COX7B2: variants seen among roughly 807,000 people sequenced by gnomAD.
COX7B2 encodes the protein cytochrome c oxidase subunit 7B2, mitochondrial.
For missense variants in COX7B2, 109 were observed against 95.9 expected, an observed-to-expected ratio of 1.14 and a Z score of -0.57; for synonymous variants, 37 against 32.1, an observed-to-expected ratio of 1.15 and a Z score of -0.51.
intron 1 of COX7B2, chr4:46,904,055 G>A (rs574438805): frequency 6.6e-6 from 1 of 152,234 alleles, no homozygotes; most frequent in East Asian, 1.9e-4. Flanking sequence ...ATATTTTTAT[G>A]ACCTTTGATA....
At chr4:46,736,343 T>A (rs906310077) in intron 2 of COX7B2, among the ~76,000 whole-genome samples, 2 of 152,222 alleles carry the variant, frequency 1.3e-5, no homozygotes, top group African/African-American at 4.8e-5. Flanking sequence ...CAGGGCTTTA[T>A]ATAGCAGGCA....
At chr4:46,795,003 A>AG (rs1451430847) in intron 2 of COX7B2, among the ~76,000 whole-genome samples, 4,721 of 149,436 alleles carry the variant, frequency 0.032, 288 homozygotes, top group African/African-American at 0.1. Context: ...TCTTCTTTTG[A>AG]GAAGTGTCTG....
At chr4:46,811,297 C>G (rs1719272375) in intron 2 of COX7B2, among the ~76,000 whole-genome samples, 1 of 151,312 alleles carries the variant, frequency 6.6e-6, no homozygotes, top group Non-Finnish European at 1.5e-5. Flanking sequence ...AATATTTATT[C>G]ACTTAATGGT....
At chr4:46,889,026 C>A (rs1157739813) in intron 1 of COX7B2, among the ~76,000 whole-genome samples, 1 of 152,046 alleles carries the variant, frequency 6.6e-6, no homozygotes, top group Non-Finnish European at 1.5e-5. Context: ...GGGATGGATA[C>A]CCCATTTTCC....
intron 2 of COX7B2, among the ~76,000 whole-genome samples, chr4:46,802,161 G>T (rs1166796863): frequency 1.3e-5 from 2 of 152,214 alleles, no homozygotes; most frequent in Middle Eastern, 3.4e-3. Context: ...TCAAAAAGTA[G>T]TGTCTAAGGG....
intron 2 of COX7B2, among the ~76,000 whole-genome samples, chr4:46,775,044 T>A (rs1717076324): frequency 6.6e-6 from 1 of 152,124 alleles, no homozygotes; most frequent in African/African-American, 2.4e-5. Flanking sequence ...GGATTTTCTG[T>A]GGTCACATAT....
At chr4:46,762,403 TATA>T (rs773613399) in intron 2 of COX7B2, among the ~76,000 whole-genome samples, 35 of 137,548 alleles carry the variant, frequency 2.5e-4, no homozygotes, top group South Asian at 1.9e-3. Flanking sequence ...ATTTACAATA[TATA>T]ATATTATATA....
chr4:46,737,914 A>C (rs576405694), intron 2 of COX7B2, among the ~76,000 whole-genome samples: 1 of 152,150 alleles, frequency 6.6e-6, no homozygotes, highest in Non-Finnish European at 1.5e-5. Context: ...AGTGGTACTC[A>C]TCATGATTGT....
intron 2 of COX7B2, among the ~76,000 whole-genome samples, chr4:46,758,237 T>C (rs1261963559): frequency 6.7e-6 from 1 of 150,290 alleles, no homozygotes; most frequent in Non-Finnish European, 1.5e-5. Flanking sequence ...TAGCAATTAA[T>C]ATAATTTTAG....
chr4:46,820,484 C>A (rs1290893442), intron 2 of COX7B2, among the ~76,000 whole-genome samples: 2 of 152,098 alleles, frequency 1.3e-5, no homozygotes, highest in African/African-American at 4.8e-5. Context: ...CCATGGCCTG[C>A]GGGTTGGGGA....
Position 46,735,060 on chromosome 4 carries a change from T to A in COX7B2, c.133A>T (p.Ser45Cys). 1.2e-6 allele frequency: 2 copies of A among 1,614,086 alleles called. No individual in the cohort carries two copies. The highest frequency in any genetic ancestry group is 1.7e-6 in the Non-Finnish European group (2 of 1,179,976). Reference sequence around the variant, plus strand: ...GTAGCAACACAGAAAGCAGTTCCACTGGCTAGCACAGCATTACCATATTTA... The same window carrying A: ...GTAGCAACACAGAAAGCAGTTCCACAGGCTAGCACAGCATTACCATATTTA... The part of the protein sequence containing the change: ...HDKYGNAVLA[S>C]GTAFCVATWV... The change falls in exon 3 of 3, where the codon AGT becomes TGT. Residue 45 changes from serine to cysteine, a missense_variant. By Grantham distance (112) the Ser-to-Cys change is moderately radical. Coordinates refer to ENST00000355591, the MANE Select transcript of COX7B2 (RefSeq NM_130902.3).
intron 2 of COX7B2, among the ~76,000 whole-genome samples, chr4:46,739,970 T>G (rs1714606428): frequency 1.3e-5 from 2 of 152,088 alleles, no homozygotes; most frequent in Admixed American, 1.3e-4. Flanking sequence ...GAGTTAACAA[T>G]GAGAATTTTT....
At position 46,842,560 on chromosome 4, in the gene COX7B2, C is replaced by T. The variant is rs1017990804; in HGVS notation, c.-50+2400G>A. Among the ~76,000 whole-genome samples the T allele has an allele frequency of 7.2e-5, 11 of 151,840 alleles. No homozygotes were observed. The South Asian group carries it at 1.5e-3, about 20-fold the overall frequency. On this transcript the variant is annotated intron_variant, in intron 2 of 2. Coordinates refer to ENST00000355591, the MANE Select transcript of COX7B2 (RefSeq NM_130902.3). ...ATGCTATCCCTCCCCACTCCCCCCA[C>T]CCCACAACAGTCCCCGGTGTGTGAT...
chr4:46,801,761 AAAAAGAAATATTCCAATACTTTATC>A (rs1480095166), intron 2 of COX7B2, among the ~76,000 whole-genome samples: 2 of 152,204 alleles, frequency 1.3e-5, no homozygotes, highest in Admixed American at 6.5e-5. Flanking sequence ...AAACAGGAGC[AAAAAGAAATATTCCAATACTTTATC>A]ACTTCTTTTT....
chr4:46,794,201 G>A (rs1718201933), intron 2 of COX7B2, among the ~76,000 whole-genome samples: 1 of 152,188 alleles, frequency 6.6e-6, no homozygotes, highest in African/African-American at 2.4e-5. Context: ...TTAAATGGAT[G>A]CTAAAGCTGT....
At chr4:46,897,840 T>C (rs1469443983) in intron 1 of COX7B2, among the ~76,000 whole-genome samples, 7 of 152,240 alleles carry the variant, frequency 4.6e-5, no homozygotes, top group Non-Finnish European at 8.8e-5. Flanking sequence ...AGAAAGTTAA[T>C]GAGAATTTAT....
At chr4:46,876,204 A>T (rs1237732238) in intron 1 of COX7B2, among the ~76,000 whole-genome samples, 1 of 152,188 alleles carries the variant, frequency 6.6e-6, no homozygotes, top group East Asian at 1.9e-4. Flanking sequence ...ATTACCAGGG[A>T]TAGATTATTG....
intron 1 of COX7B2, among the ~76,000 whole-genome samples, chr4:46,889,052 T>G (rs1286828406): frequency 6.6e-6 from 1 of 152,234 alleles, no homozygotes; most frequent in Non-Finnish European, 1.5e-5. Context: ...GTGAGTATTA[T>G]GCATTGCATG....
At chr4:46,830,324 CAAAAAAA>C (rs201868075) in intron 2 of COX7B2, among the ~76,000 whole-genome samples, 113 of 82,144 alleles carry the variant, frequency 1.4e-3, no homozygotes, top group Non-Finnish European at 2.4e-3. Flanking sequence ...ACTCTGTCTC[CAAAAAAA>C]AAAAAAAAAA....
Sources: gnomAD v4.1 joint callset for allele counts (sites outside exome capture counted in the v4.1 genomes callset) on GRCh38, gnomAD v4.1.1 for gene constraint, MANE v1.5 for transcripts, NCBI Gene and HGNC (gene_info 2026-07-23, HGNC 2026-07-21) for gene names.